ZNF608: variants seen among roughly 807,000 people sequenced by gnomAD.
ZNF608 encodes zinc finger protein 608, also known as renal carcinoma antigen NY-REN-36.
Under a neutral mutation model 109.0 loss-of-function variants are expected in ZNF608, and 12 were observed. The observed-to-expected ratio is 0.11, with a 90% confidence interval of 0.07 to 0.18. The LOEUF (loss-of-function observed/expected upper bound fraction) is 0.18, where lower values mean the gene tolerates loss of function less well. ZNF608 is among the 10% of genes least tolerant of loss of function. The pLI, the probability that ZNF608 is intolerant of heterozygous loss-of-function variation, is 1.00. For synonymous variants in ZNF608, 732 were observed against 717.4 expected, an observed-to-expected ratio of 1.02 and a Z score of -0.33; for missense variants, 1,707 against 1,879.3, an observed-to-expected ratio of 0.91 and a Z score of 1.70.
intron 2 of ZNF608, among the ~76,000 whole-genome samples, chr5:124,737,422 CT>C (rs1386923233): frequency 6.6e-6 from 1 of 152,116 alleles, no homozygotes; most frequent in African/African-American, 2.4e-5. Context: ...GAGTAAGTGG[CT>C]TTGAAAAATC....
intron 3 of ZNF608, among the ~76,000 whole-genome samples, chr5:124,650,393 A>C (rs576358343): frequency 6.6e-6 from 1 of 152,348 alleles, no homozygotes; most frequent in Admixed American, 6.5e-5. Context: ...AAATGTGCAC[A>C]ATAGATTTAC....
chr5:124,683,463 C>T (rs186401058), intron 3 of ZNF608, among the ~76,000 whole-genome samples: 7 of 152,252 alleles, frequency 4.6e-5, no homozygotes, highest in Middle Eastern at 3.4e-3. Flanking sequence ...GGAGCTAAAT[C>T]ATCACCTTCC....
At position 124,648,986 on chromosome 5, in the gene ZNF608, A is replaced by G. The variant is rs766505197; in HGVS notation, c.1398T>C (p.Asn466=). 9.9e-6 allele frequency: 16 copies of G among 1,613,826 alleles called. No homozygotes were observed. In the Middle Eastern group the frequency reaches 4.9e-4, roughly 50 times the overall value. The change falls in exon 5 of 10, where the codon AAT becomes AAC. Residue 466 remains asparagine (N), a synonymous_variant. Transcript: ENST00000513986. ...TGAGGCTGCCCCGCCTCCCTTTCCC[A>G]TTGGCCCCCCCTCTGTTCTTATTCT... The part of the protein sequence containing the change: ...GLQNKNRGGA[N]GKGRRGSLNA...
chr5:124,678,863 T>G (rs1053604207), intron 3 of ZNF608, among the ~76,000 whole-genome samples: 2 of 152,150 alleles, frequency 1.3e-5, no homozygotes, highest in African/African-American at 4.8e-5. Flanking sequence ...AGTACACCAT[T>G]AAGTCAGAAA....
At chr5:124,743,679 T>C (rs2149907796) in intron 2 of ZNF608, among the ~76,000 whole-genome samples, 1 of 152,280 alleles carries the variant, frequency 6.6e-6, no homozygotes, top group South Asian at 2.1e-4. Context: ...TAAATTAAAA[T>C]AGAAAACTGT....
intron 3 of ZNF608, among the ~76,000 whole-genome samples, chr5:124,660,548 T>C (rs1482253492): frequency 1.3e-5 from 2 of 152,110 alleles, no homozygotes; most frequent in African/African-American, 4.8e-5. Flanking sequence ...GAATAAACAG[T>C]GGCCATCAAA....
intron 2 of ZNF608, among the ~76,000 whole-genome samples, chr5:124,737,720 A>T (rs1749214723): frequency 6.6e-6 from 1 of 152,220 alleles, no homozygotes. Flanking sequence ...AAATATGCAA[A>T]ATTCAGCTTT....
chr5:124,640,347 C>T (rs1404058110), intron 8 of ZNF608, among the ~76,000 whole-genome samples: 1 of 151,990 alleles, frequency 6.6e-6, no homozygotes, highest in Admixed American at 6.6e-5. Flanking sequence ...TGGGTGGGAC[C>T]CTAATAGGGC....
intron 3 of ZNF608, among the ~76,000 whole-genome samples, chr5:124,690,000 A>G (rs1163291637): frequency 1.3e-5 from 2 of 152,130 alleles, no homozygotes; most frequent in African/African-American, 4.8e-5. Context: ...GAATGGACAA[A>G]TAAACCATGA....
chr5:124,740,403 G>C (rs553968228), intron 2 of ZNF608, among the ~76,000 whole-genome samples: 2 of 151,524 alleles, frequency 1.3e-5, no homozygotes, highest in South Asian at 2.1e-4. Flanking sequence ...TTTGCTGTCC[G>C]ACAACAATGG....
intron 3 of ZNF608, among the ~76,000 whole-genome samples, chr5:124,680,610 C>T (rs150606826): frequency 1.0e-3 from 158 of 152,252 alleles, no homozygotes; most frequent in African/African-American, 3.6e-3. Flanking sequence ...AGCTTCTCAG[C>T]GCACCACTCA....
At position 124,648,073 on chromosome 5, in the gene ZNF608, G is replaced by T; in HGVS notation, c.2311C>A (p.Leu771Ile). The change falls in exon 5 of 10, where the codon CTC becomes ATC. Residue 771 changes from leucine (L) to isoleucine (I), a missense_variant. By Grantham distance (5) the Leu-to-Ile change is conservative (BLOSUM62 2). Around this residue, in one of 7 missense-constraint regions of ZNF608, gnomAD observed 1,073 missense variants for 1,133.5 expected, o/e 0.95. Transcript: ENST00000513986. ...GTAGCCTGAACAACAGTTGTTGTGA[G>T]GGAGGGCAGTCCGGGTATTGTCCCA... ...TTGTIPGLPS[L>I]TTTVVQATPK... is the part of the protein sequence containing the mutation. The T allele has an allele frequency of 6.2e-7, 1 of 1,614,190 alleles. No homozygotes were observed. Among genetic ancestry groups the T allele is most frequent in the Non-Finnish European group, 8.5e-7 (1 of 1,180,038 alleles).
At chr5:124,689,498 A>G (rs1196015810) in intron 3 of ZNF608, among the ~76,000 whole-genome samples, 1 of 151,844 alleles carries the variant, frequency 6.6e-6, no homozygotes, top group East Asian at 1.9e-4. Flanking sequence ...CAGAGAGAGA[A>G]AGAACTGAAG....
intron 3 of ZNF608, among the ~76,000 whole-genome samples, chr5:124,693,051 T>TA (rs1752683111): frequency 6.6e-6 from 1 of 152,220 alleles, no homozygotes; most frequent in Non-Finnish European, 1.5e-5. Flanking sequence ...TCTAGGGTGA[T>TA]AAAAAATGTT....
At chr5:124,685,254 T>C (rs1220250401) in intron 3 of ZNF608, among the ~76,000 whole-genome samples, 5 of 152,210 alleles carry the variant, frequency 3.3e-5, no homozygotes, top group African/African-American at 7.2e-5. Context: ...CTCTAATCAA[T>C]CTTATTATGC....
intron 3 of ZNF608, among the ~76,000 whole-genome samples, chr5:124,658,590 G>A (rs925893580): frequency 6.6e-6 from 1 of 152,194 alleles, no homozygotes; most frequent in Non-Finnish European, 1.5e-5. Flanking sequence ...CCACTGGTTG[G>A]TCTGAAATCT....
Position 124,648,148 on chromosome 5 carries a change from G to A in ZNF608, c.2236C>T (p.Pro746Ser). The change falls in exon 5 of 10, where the codon CCC (proline) becomes TCC (serine). Residue 746 changes from proline (P) to serine (S), a missense_variant. By Grantham distance (74) the Pro-to-Ser change is moderately conservative. Coordinates refer to ENST00000513986, the MANE Select transcript of ZNF608 (RefSeq NM_020747.3). ...RPIAPAPAPT[P>S]PQLIAIPTAT... ...GTGGGTATAGCGATTAGCTGCGGGG[G>A]AGTGGGGGCTGGGGCAGGGGCAATG... 1 of 1,611,458 alleles carries A rather than the reference G, an allele frequency of 6.2e-7. No individual in the cohort carries two copies.
intron 3 of ZNF608, among the ~76,000 whole-genome samples, chr5:124,653,230 C>T (rs1750866094): frequency 6.6e-6 from 1 of 152,172 alleles, no homozygotes; most frequent in South Asian, 2.1e-4. Context: ...ATGCTGCCCC[C>T]AAAGGCCTAT....
chr5:124,711,372 T>A (rs938913459), intron 2 of ZNF608, among the ~76,000 whole-genome samples: 1 of 152,254 alleles, frequency 6.6e-6, no homozygotes, highest in Non-Finnish European at 1.5e-5. Context: ...CATGACCATA[T>A]ACTATTTTAC....
Sources: allele counts gnomAD v4.1 joint callset (sites outside exome capture counted in the v4.1 genomes callset), GRCh38; gene constraint gnomAD v4.1.1; regional missense constraint gnomAD v4.1.1; transcripts MANE v1.5; gene names NCBI Gene and HGNC (gene_info 2026-07-23, HGNC 2026-07-21).